The following SMCO2 variants were observed in gnomAD, a reference collection of about 807,000 sequenced individuals.
SMCO2 encodes the protein single-pass membrane and coiled-coil domain-containing protein 2.
SMCO2 carries 25 observed loss-of-function variants against 29.5 expected under a neutral mutation model. The ratio of observed to expected loss-of-function variants is 0.85; its 90% confidence interval spans 0.62 to 1.18. SMCO2 has a LOEUF of 1.18. Ranked by LOEUF, SMCO2 falls within the 50% of genes most tolerant of loss-of-function variation. The probability of loss-of-function intolerance (pLI) is 0.00; values close to 1 mark genes in which losing one functional copy is unlikely to be tolerated. For missense variants in SMCO2, 348 were observed against 344.5 expected (o/e 1.01, Z -0.08); for synonymous variants, 117 against 123.3 (o/e 0.95, Z 0.34).
chr12:27,450,331 T>G, the SMCO2 span, among the ~76,000 whole-genome samples: 1 of 141,602 alleles, frequency 7.1e-6, no homozygotes, highest in Admixed American at 6.9e-5. Flanking sequence ...TAGGCTGGGC[T>G]GCCTGACAAG....
chr12:27,446,280 A>C, the SMCO2 span, among the ~76,000 whole-genome samples: 1 of 152,140 alleles, frequency 6.6e-6, no homozygotes, highest in Non-Finnish European at 1.5e-5. Flanking sequence ...CAGGAGGGGA[A>C]GGGGAGAGAG....
chr12:27,453,337 C>T, the SMCO2 span, among the ~76,000 whole-genome samples: 1 of 152,174 alleles, frequency 6.6e-6, no homozygotes, highest in Non-Finnish European at 1.5e-5. Context: ...ATAAAAGCTG[C>T]TGCCCCATCC....
exon 4 of SMCO2, chr12:27,474,843 G>C: frequency 6.4e-7 from 1 of 1,551,650 alleles, no homozygotes; most frequent in South Asian, 1.2e-5. Context: ...GGATAAGCAA[G>C]AAACAGATGT....
intron 4 of SMCO2, among the ~76,000 whole-genome samples, chr12:27,481,395 C>G (rs1297327646): frequency 3.3e-5 from 5 of 152,258 alleles, no homozygotes; most frequent in African/African-American, 1.2e-4. Flanking sequence ...CCTTTTCCCT[C>G]TAATGGAGAG....
intron 4 of SMCO2, among the ~76,000 whole-genome samples, chr12:27,482,363 A>C (rs898343335): frequency 6.6e-6 from 1 of 152,184 alleles, no homozygotes; most frequent in African/African-American, 2.4e-5. Context: ...GTGCAATAGC[A>C]TGATCTTGGC....
intron 4 of SMCO2, among the ~76,000 whole-genome samples, chr12:27,477,634 C>CTTTTTTTTTTTTTTTTTTTTTTTT (rs3051833): frequency 1.8e-5 from 2 of 109,660 alleles, no homozygotes; most frequent in African/African-American, 3.8e-5. Context: ...CTTTTTCATT[C>CTTTTTTTTTTTTTTTTTTTTTTTT]TTTTTTTTTT....
the SMCO2 span, among the ~76,000 whole-genome samples, chr12:27,453,954 TTTTG>T: frequency 6.6e-6 from 1 of 152,170 alleles, no homozygotes; most frequent in Non-Finnish European, 1.5e-5. Context: ...TTGTTGACAT[TTTTG>T]TTTCTTTTAG....
chr12:27,475,490 A>T lies in SMCO2; in HGVS notation c.362+577A>T, dbSNP rs1949577923. On this transcript the variant is annotated intron_variant, in intron 4 of 7. Transcript: ENST00000298876. ...TTTGGTGACAAGGAAGACTAAACAG[A>T]TCAACTCGCTATTCAAAGGAAGAGC... 12 of 1,386,004 alleles carry T rather than the reference A, an allele frequency of 8.7e-6. No individual in the cohort carries two copies. In the South Asian group the frequency reaches 2.0e-4, roughly 23 times the overall value. 85.9% of individuals were successfully genotyped at this position (1,386,004 alleles called of 1,614,324 possible).
chr12:27,475,599 TC>T (rs1949578907), intron 4 of SMCO2: 4 of 1,543,420 alleles, frequency 2.6e-6, no homozygotes, highest in Admixed American at 4.1e-5. Flanking sequence ...AAGGGCATGT[TC>T]CTCAAGCTAA....
chr12:27,447,860 G>C, the SMCO2 span, among the ~76,000 whole-genome samples: 1 of 152,124 alleles, frequency 6.6e-6, no homozygotes. Context: ...GGCTTCTGTA[G>C]ATGTACTTTC....
intron 4 of SMCO2, 108 bp from the exon 6 acceptor site, chr12:27,488,352 C>A: frequency 1.5e-6 from 1 of 664,672 alleles, no homozygotes; most frequent in Non-Finnish European, 2.3e-6. Flanking sequence ...ACTACCAAAG[C>A]ATCCTTTTAT....
At chr12:27,425,849 C>T in the SMCO2 span, among the ~76,000 whole-genome samples, 8 of 152,200 alleles carry the variant, frequency 5.3e-5, no homozygotes, top group Non-Finnish European at 1.0e-4. Context: ...TAACCCTGTC[C>T]TCCCTCAGGC....
the SMCO2 span, among the ~76,000 whole-genome samples, chr12:27,426,422 G>T: frequency 6.6e-6 from 1 of 152,164 alleles, no homozygotes; most frequent in African/African-American, 2.4e-5. Context: ...TGTGAGTATG[G>T]AGGATGGGAG....
the SMCO2 span, chr12:27,446,676 C>T: frequency 1.3e-5 from 2 of 152,136 alleles, no homozygotes; most frequent in African/African-American, 4.8e-5. Context: ...ACATCATCAT[C>T]TCTCTGCTTC....
intron 7 of SMCO2, among the ~76,000 whole-genome samples, chr12:27,500,135 A>T (rs1312904202): frequency 6.8e-6 from 1 of 147,134 alleles, no homozygotes; most frequent in Non-Finnish European, 1.5e-5. Context: ...AACTTATTTC[A>T]ATTTAGTTAA....
chr12:27,442,468 A>G, the SMCO2 span, among the ~76,000 whole-genome samples: 4 of 152,352 alleles, frequency 2.6e-5, no homozygotes, highest in Non-Finnish European at 4.4e-5. Context: ...GACAAACTCC[A>G]GAACACACAG....
chr12:27,454,195 G>A, the SMCO2 span, among the ~76,000 whole-genome samples: 2 of 152,070 alleles, frequency 1.3e-5, no homozygotes, highest in East Asian at 3.8e-4. Context: ...TATTGCCCAG[G>A]CTGCTCTCAA....
chr12:27,456,689 A>G, the SMCO2 span, among the ~76,000 whole-genome samples: 13 of 152,012 alleles, frequency 8.6e-5, no homozygotes, highest in Admixed American at 5.2e-4. Context: ...TAGAAGAATC[A>G]TTTTTTTCCC....
At chr12:27,442,056 C>T in the SMCO2 span, among the ~76,000 whole-genome samples, 2 of 152,140 alleles carry the variant, frequency 1.3e-5, no homozygotes, top group East Asian at 1.9e-4. Context: ...TGTGATACAA[C>T]AAAAGCAGTA....
Sources: allele counts gnomAD v4.1 joint callset (sites outside exome capture counted in the v4.1 genomes callset), GRCh38; gene constraint gnomAD v4.1.1; transcripts MANE v1.5; gene names NCBI Gene and HGNC (gene_info 2026-07-23, HGNC 2026-07-21).